Variants in BMPER observed in about 807,000 individuals in gnomAD.
BMPER encodes BMP-binding endothelial regulator protein.
A neutral mutation model predicts 87.3 loss-of-function variants in BMPER; 45 were observed. That is an observed-to-expected ratio of 0.52 (90% confidence interval 0.41 to 0.66). The LOEUF (loss-of-function observed/expected upper bound fraction) is 0.66, where lower values mean the gene tolerates loss of function less well. BMPER is among the 30% of genes least tolerant of loss of function. The pLI is 0.00. For synonymous variants in BMPER, 326 were observed against 316.2 expected (o/e 1.03, Z -0.33); for missense variants, 784 against 867.5 (o/e 0.90, Z 1.21).
At chr7:34,146,265 G>T (rs767909016) in intron 14 of BMPER, among the ~76,000 whole-genome samples, 42 of 152,092 alleles carry the variant, frequency 2.8e-4, no homozygotes. Context: ...ACAAAAAGGA[G>T]AAATCTTCCA....
intron 6 of BMPER, among the ~76,000 whole-genome samples, chr7:33,988,066 T>C (rs1562671263): frequency 6.6e-6 from 1 of 152,222 alleles, no homozygotes; most frequent in Non-Finnish European, 1.5e-5. Flanking sequence ...AAAACGAATA[T>C]GAAAAATTAC....
intron 4 of BMPER, among the ~76,000 whole-genome samples, chr7:33,966,938 C>G (rs186421731): frequency 2.0e-4 from 31 of 152,296 alleles, no homozygotes; most frequent in South Asian, 4.1e-4. Context: ...TGTTTCACTT[C>G]TTTGATTTAG....
rs73329121 is a variant in BMPER, at chr7:34,017,097, T to C, written c.577-29209T>C. 9.1e-3 allele frequency among the ~76,000 whole-genome samples: 1,382 copies of C among 152,006 alleles called. 14 individuals carry two copies. Among genetic ancestry groups the C allele is most frequent in the African/African-American group, 0.031 (1,304 of 41,494 alleles). ...CCAGTCACTCCAGATGGCTTTTTTG[T>C]TGACTATGCTGGTTCTGTAGAGTGA... On this transcript the variant is annotated intron_variant, in intron 6 of 14. Coordinates refer to ENST00000649409, the MANE Select transcript of BMPER (RefSeq NM_001365308.1).
At chr7:34,006,833 A>C (rs776021318) in intron 6 of BMPER, among the ~76,000 whole-genome samples, 1 of 152,088 alleles carries the variant, frequency 6.6e-6, no homozygotes, top group African/African-American at 2.4e-5. Context: ...TAGCATAGCT[A>C]TCAAAGCAAT....
intron 6 of BMPER, among the ~76,000 whole-genome samples, chr7:33,980,894 A>G (rs749317473): frequency 1.3e-5 from 2 of 152,216 alleles, no homozygotes; most frequent in Non-Finnish European, 2.9e-5. Flanking sequence ...TCTCACTTAC[A>G]CTTTAGATAT....
At chr7:33,987,822 A>G (rs959910814) in intron 6 of BMPER, among the ~76,000 whole-genome samples, 5 of 152,220 alleles carry the variant, frequency 3.3e-5, no homozygotes, top group Non-Finnish European at 5.9e-5. Context: ...TGCTAGAATT[A>G]AACAGCAGAA....
intron 6 of BMPER, among the ~76,000 whole-genome samples, chr7:33,979,741 A>G (rs553697665): frequency 2.0e-4 from 31 of 152,286 alleles, no homozygotes; most frequent in Non-Finnish European, 3.5e-4. Flanking sequence ...ATCCAGCTCC[A>G]ATGGATGAAC....
chr7:33,906,389 G>T (rs957499062), intron 1 of BMPER, among the ~76,000 whole-genome samples: 11 of 152,174 alleles, frequency 7.2e-5, no homozygotes, highest in East Asian at 1.9e-4. Context: ...TCATAGAAAG[G>T]CCTGTTTATT....
At position 33,923,354 on chromosome 7, in the gene BMPER, T is replaced by C. The variant is rs560724178; in HGVS notation, c.220-13935T>C. ...CCGTCTGTAATACTCACCCAGCCTT[T>C]GGTCACTAAGCTCTAGTGGGTCTGT... On this transcript the variant is annotated intron_variant, in intron 2 of 14. Transcript: ENST00000649409. Among the ~76,000 whole-genome samples the C allele has an allele frequency of 1.8e-3, 267 of 152,342 alleles. 1 individual carries two copies. Among genetic ancestry groups the C allele is most frequent in the African/African-American group, 5.4e-3 (225 of 41,572 alleles).
Position 34,149,604 on chromosome 7 carries a change from C to T in BMPER, c.1877-3488C>T, listed in dbSNP as rs114053472. 7.1e-3 allele frequency among the ~76,000 whole-genome samples: 1,074 copies of T among 152,034 alleles called. 17 individuals carry two copies. The highest frequency in any genetic ancestry group is 0.024 in the African/African-American group (1,015 of 41,496). ...GGGAGATTCCAGGAGGTGATGTGAACATTTAGTGCCAGGAAGTGGGTAAAG... is the reference window on the plus strand; with the variant it reads ...GGGAGATTCCAGGAGGTGATGTGAATATTTAGTGCCAGGAAGTGGGTAAAG... On this transcript the variant is annotated intron_variant, in intron 14 of 14. Transcript: ENST00000649409.
chr7:34,059,480 G>T (rs1788374413), intron 10 of BMPER, among the ~76,000 whole-genome samples: 1 of 152,138 alleles, frequency 6.6e-6, no homozygotes, highest in Non-Finnish European at 1.5e-5. Context: ...TGGGCCAGGG[G>T]CATCCATTCC....
intron 13 of BMPER, among the ~76,000 whole-genome samples, chr7:34,124,051 T>C (rs1227607984): frequency 5.9e-5 from 9 of 152,234 alleles, no homozygotes; most frequent in Non-Finnish European, 2.9e-5. Context: ...ACTCTGGTGC[T>C]CAAATATTCA....
chr7:34,129,116 C>T (rs554927168), intron 13 of BMPER, among the ~76,000 whole-genome samples: 8 of 152,126 alleles, frequency 5.3e-5, no homozygotes, highest in South Asian at 2.1e-4. Flanking sequence ...CCCCTTCCTC[C>T]GCCAAAAAAT....
intron 3 of BMPER, among the ~76,000 whole-genome samples, chr7:33,957,475 A>G (rs932786725): frequency 6.6e-6 from 1 of 151,878 alleles, no homozygotes; most frequent in African/African-American, 2.4e-5. Flanking sequence ...GAGTGTTGCT[A>G]TAAACGAATA....
intron 3 of BMPER, among the ~76,000 whole-genome samples, chr7:33,960,268 G>C (rs1211226804): frequency 2.6e-5 from 4 of 152,172 alleles, no homozygotes; most frequent in African/African-American, 7.2e-5. Context: ...GCCTTGAAGA[G>C]TAATAAAAGC....
intron 6 of BMPER, among the ~76,000 whole-genome samples, chr7:34,005,630 C>G (rs1478282711): frequency 1.3e-5 from 2 of 151,856 alleles, no homozygotes; most frequent in African/African-American, 4.8e-5. Context: ...GTCTCAAACT[C>G]CTGGCTTCAA....
intron 2 of BMPER, chr7:33,921,941 A>C: frequency 2.3e-6 from 1 of 439,456 alleles, no homozygotes; most frequent in South Asian, 1.6e-5. Flanking sequence ...TCGACTCCTC[A>C]AAACCTCTGC....
At chr7:34,075,863 C>T (rs1385519355) in intron 11 of BMPER, among the ~76,000 whole-genome samples, 1 of 152,200 alleles carries the variant, frequency 6.6e-6, no homozygotes, top group Non-Finnish European at 1.5e-5. Flanking sequence ...CTCTCTAGTG[C>T]ACAAGTTCAC....
At chr7:34,059,775 G>C (rs2127964285) in intron 10 of BMPER, among the ~76,000 whole-genome samples, 1 of 151,572 alleles carries the variant, frequency 6.6e-6, no homozygotes, top group Admixed American at 6.6e-5. Flanking sequence ...TAGAGAGGAG[G>C]AGCTTGTATT....
Sources: allele counts gnomAD v4.1 joint callset (sites outside exome capture counted in the v4.1 genomes callset), GRCh38; gene constraint gnomAD v4.1.1; transcripts MANE v1.5; gene names NCBI Gene and HGNC (gene_info 2026-07-23, HGNC 2026-07-21).